The following SYT10 variants were observed in gnomAD, a reference collection of about 807,000 sequenced individuals.
The protein encoded by SYT10 is synaptotagmin 10.
A neutral mutation model predicts 51.1 loss-of-function variants in SYT10; 31 were observed. The ratio of observed to expected loss-of-function variants is 0.61; its 90% CI spans 0.46 to 0.82. The LOEUF (loss-of-function observed/expected upper bound fraction) is 0.82, where lower values mean the gene tolerates loss of function less well. SYT10 is among the 40% of genes least tolerant of loss of function. The pLI, the probability that SYT10 is intolerant of heterozygous loss-of-function variation, is 0.00. For missense variants in SYT10, 603 were observed against 634.0 expected (o/e 0.95, Z 0.53); for synonymous variants, 233 against 225.9 (o/e 1.03, Z -0.28).
At chr12:33,390,334 G>A (rs755718658) in intron 3 of SYT10, among the ~76,000 whole-genome samples, 35 of 152,144 alleles carry the variant, frequency 2.3e-4, no homozygotes, top group Admixed American at 6.5e-5. Flanking sequence ...GGGGATTCAT[G>A]AGGAAAGGCC....
At chr12:33,429,845 A>G (rs1349578131) in intron 1 of SYT10, among the ~76,000 whole-genome samples, 1 of 152,140 alleles carries the variant, frequency 6.6e-6, no homozygotes, top group Non-Finnish European at 1.5e-5. Flanking sequence ...ATCATAAAAG[A>G]AAAGAGGTAA....
At chr12:33,436,041 T>C (rs1488174974) in intron 1 of SYT10, among the ~76,000 whole-genome samples, 2 of 152,192 alleles carry the variant, frequency 1.3e-5, no homozygotes, top group African/African-American at 2.4e-5. Flanking sequence ...CTTAGAGCTA[T>C]ACAATTGTGA....
chr12:33,434,797 C>T (rs569970752), intron 1 of SYT10, among the ~76,000 whole-genome samples: 43 of 152,160 alleles, frequency 2.8e-4, no homozygotes, highest in Middle Eastern at 3.4e-3. Context: ...AACAGTGAAC[C>T]TCCATCTCAA....
intron 2 of SYT10, among the ~76,000 whole-genome samples, chr12:33,409,281 A>G (rs1165272341): frequency 3.3e-5 from 5 of 151,932 alleles, no homozygotes; most frequent in East Asian, 1.9e-4. Flanking sequence ...CAGTGACACA[A>G]TCTTGGCTTA....
chr12:33,435,361 G>A (rs1370015843), intron 1 of SYT10, among the ~76,000 whole-genome samples: 1 of 152,190 alleles, frequency 6.6e-6, no homozygotes, highest in African/African-American at 2.4e-5. Flanking sequence ...TCTTGGCTTT[G>A]AAGATAGGTC....
rs1446112393 is a variant in SYT10 at position 33,376,836 on chromosome 12, T to C, written c.1566A>G (p.Thr522=). ...TGGTCTCATTTTGGAGGCATTATGGTGTGGAAGGTGGTTTAGGAGAAGGGC... is the reference window on the plus strand; with the variant it reads ...TGGTCTCATTTTGGAGGCATTATGGCGTGGAAGGTGGTTTAGGAGAAGGGC... ...GSCPSPKPPS[T]P Residue 522 remains threonine (T), a synonymous_variant, in exon 7 of 7, where the codon ACA becomes ACG. Transcript: ENST00000228567. 1.2e-6 allele frequency: 2 copies of C among 1,614,026 alleles called. No individual in the cohort carries two copies. The highest frequency in any genetic ancestry group is 3.3e-5 in the Admixed American group (2 of 60,012).
At chr12:33,408,052 C>T (rs1406381731) in intron 2 of SYT10, 2 of 152,196 alleles carry the variant, frequency 1.3e-5, no homozygotes, top group African/African-American at 4.8e-5. Context: ...TCATCTGGGT[C>T]TATCTAGATG....
intron 2 of SYT10, among the ~76,000 whole-genome samples, chr12:33,420,856 AC>A (rs1866496959): frequency 6.6e-6 from 1 of 152,082 alleles, no homozygotes; most frequent in Non-Finnish European, 1.5e-5. Flanking sequence ...TTATTTAACC[AC>A]CTCAATTTCC....
At chr12:33,400,765 C>T (rs1386511450) in intron 3 of SYT10, among the ~76,000 whole-genome samples, 6 of 152,144 alleles carry the variant, frequency 3.9e-5, no homozygotes, top group Non-Finnish European at 8.8e-5. Flanking sequence ...GTGGCTCACG[C>T]CTGTAATCCC....
chr12:33,439,418 C>T lies in SYT10; in HGVS notation c.105G>A (p.Ser35=). 1.9e-6 allele frequency: 3 copies of T among 1,614,154 alleles called. No homozygotes were observed. The highest frequency in any genetic ancestry group is 2.5e-6 in the Non-Finnish European group (3 of 1,180,028). Residue 35 remains serine (S), a synonymous_variant, in exon 1 of 7, where the codon TCG becomes TCA. Coordinates refer to ENST00000228567, the MANE Select transcript of SYT10 (RefSeq NM_198992.4). Reference sequence around the variant, plus strand: ...TGCCCCTGTCCCGAGGGAAGATGCCCGAGCACTTCTCCCACTCCACCTGGC... The same window carrying T: ...TGCCCCTGTCCCGAGGGAAGATGCCTGAGCACTTCTCCCACTCCACCTGGC... ...FAGQVEWEKC[S]GIFPRDRGSQ... is the part of the protein sequence containing the mutation.
intron 2 of SYT10, among the ~76,000 whole-genome samples, chr12:33,425,379 C>T (rs1159628856): frequency 1.3e-5 from 2 of 151,872 alleles, no homozygotes; most frequent in African/African-American, 4.8e-5. Context: ...GAAAAAAATG[C>T]CTCTTTATAG....
At chr12:33,424,151 T>G (rs982018440) in intron 2 of SYT10, 2 of 347,612 alleles carry the variant, frequency 5.8e-6, no homozygotes, top group Non-Finnish European at 5.6e-6. Flanking sequence ...AAGGTTGAAA[T>G]TTTTATGTTT....
At chr12:33,422,552 A>G (rs1038045572) in intron 2 of SYT10, among the ~76,000 whole-genome samples, 1 of 152,086 alleles carries the variant, frequency 6.6e-6, no homozygotes, top group African/African-American at 2.4e-5. Context: ...AGGTTTCACT[A>G]TACTTCAATT....
chr12:33,426,386 T>A lies in SYT10; in HGVS notation c.261A>T (p.Lys87Asn), dbSNP rs766916972. The A allele has an allele frequency of 4.8e-5, 78 of 1,614,048 alleles. No individual in the cohort carries two copies. Among genetic ancestry groups the A allele is most frequent in the Non-Finnish European group, 6.5e-5 (77 of 1,179,998 alleles). ...WKLCWPCWKS[K>N]PVTSNITTLP... ...GCGTAGTGATGTTGGAAGTCACAGG[T>A]TTGCTTTTCCAGCATGGCCAACACA... The change falls in exon 2 of 7, where the codon AAA becomes AAT. Residue 87 changes from lysine to asparagine, a missense_variant. Transcript: ENST00000228567.
At chr12:33,388,912 G>T (rs1441829073) in intron 3 of SYT10, among the ~76,000 whole-genome samples, 1 of 152,178 alleles carries the variant, frequency 6.6e-6, no homozygotes, top group East Asian at 1.9e-4. Flanking sequence ...CCTGTTACAG[G>T]ACTAATAGTA....
chr12:33,409,878 T>C (rs1219350964), intron 2 of SYT10, among the ~76,000 whole-genome samples: 3 of 152,074 alleles, frequency 2.0e-5, no homozygotes, highest in East Asian at 1.9e-4. Flanking sequence ...AGGGTAAAGA[T>C]GGATTAAGGC....
At chr12:33,382,582 G>A in intron 4 of SYT10, 62 bp from the exon 5 acceptor site, 2 of 1,447,226 alleles carry the variant, frequency 1.4e-6, no homozygotes, top group South Asian at 3.1e-5. Context: ...AAATAAAACT[G>A]CAGTTTATTT....
chr12:33,382,296 CCTGCGCATGACTAGACATGG>C lies in SYT10; in HGVS notation c.1370+33_1370+52del, dbSNP rs1281284908. On this transcript the variant is annotated intron_variant, in intron 5 of 6. Coordinates refer to ENST00000228567, the MANE Select transcript of SYT10 (RefSeq NM_198992.4). ...AAATGACCTGAAAAGCTGAGTTTGGCCTGCGCATGACTAGACATGGCTGCTCTTCAGTGAGAAGAGAGATA... is the reference window on the plus strand; with the variant it reads ...AAATGACCTGAAAAGCTGAGTTTGGCCTGCTCTTCAGTGAGAAGAGAGATA... 5.1e-6 allele frequency: 7 copies of C among 1,382,972 alleles called. No homozygotes were observed. The African/African-American group carries it at 8.9e-5, about 18-fold the overall frequency. 85.7% of individuals were successfully genotyped at this position (1,382,972 alleles called of 1,614,324 possible). A position where few individuals can be genotyped will look rare whatever the true frequency, so the allele number is the denominator to read the frequency against.
Position 33,380,045 on chromosome 12 carries a change from T to C in SYT10, c.1371-84A>G, listed in dbSNP as rs148579282. Reference sequence around the variant, plus strand: ...ACAAATCGTAGTAGAATTTTAAAAATATGATTAAAACATTAGATTCTGTAA... The same window carrying C: ...ACAAATCGTAGTAGAATTTTAAAAACATGATTAAAACATTAGATTCTGTAA... On this transcript the variant is annotated intron_variant, in intron 5 of 6. Coordinates refer to ENST00000228567, the MANE Select transcript of SYT10 (RefSeq NM_198992.4). 559 of 1,443,732 alleles carry C rather than the reference T, an allele frequency of 3.9e-4. 4 individuals are homozygous for C. In the African/African-American group the frequency reaches 6.9e-3, roughly 18 times the overall value. The allele number at this position is 1,443,732 out of a possible 1,614,324, so 89.4% of individuals were successfully genotyped here. A position where few individuals can be genotyped will look rare whatever the true frequency, so the allele number is the denominator to read the frequency against.
Sources: allele counts gnomAD v4.1 joint callset (sites outside exome capture counted in the v4.1 genomes callset), GRCh38; gene constraint gnomAD v4.1.1; transcripts MANE v1.5; gene names NCBI Gene and HGNC (gene_info 2026-07-23, HGNC 2026-07-21).